CRIM1: variants seen among roughly 807,000 people sequenced by gnomAD.
CRIM1 encodes cysteine rich transmembrane BMP regulator 1, also known as cysteine-rich motor neuron 1 protein.
In CRIM1, 32 loss-of-function variants were observed where a neutral mutation model predicts 116.4. That is an observed-to-expected ratio of 0.27 (90% CI 0.21 to 0.37). The LOEUF (loss-of-function observed/expected upper bound fraction) is 0.37. CRIM1 is among the 10% of genes least tolerant of loss of function. The probability of loss-of-function intolerance (pLI) is 1.00; values close to 1 mark genes in which losing one functional copy is unlikely to be tolerated. For synonymous variants in CRIM1, 590 were observed against 509.2 expected (o/e 1.16, Z -2.13); for missense variants, 1,331 against 1,354.8 (o/e 0.98, Z 0.28).
intron 1 of CRIM1, among the ~76,000 whole-genome samples, chr2:36,379,731 T>C (rs1197218008): frequency 3.4e-5 from 5 of 147,948 alleles, no homozygotes; most frequent in Non-Finnish European, 7.4e-5. Flanking sequence ...ATTCTATTTC[T>C]TTCTTTCTCT....
At chr2:36,502,869 T>A (rs1681098480) in intron 8 of CRIM1, among the ~76,000 whole-genome samples, 1 of 152,324 alleles carries the variant, frequency 6.6e-6, no homozygotes, top group African/African-American at 2.4e-5. Flanking sequence ...TTGGATATCA[T>A]TCTTGCCTGA....
chr2:36,413,859 C>G (rs762423447), intron 2 of CRIM1, among the ~76,000 whole-genome samples: 14 of 152,154 alleles, frequency 9.2e-5, no homozygotes, highest in Non-Finnish European at 1.6e-4. Context: ...TATTTCAGCC[C>G]TATTCATATG....
At chr2:36,490,983 C>A (rs182697700) in intron 7 of CRIM1, among the ~76,000 whole-genome samples, 2 of 152,144 alleles carry the variant, frequency 1.3e-5, no homozygotes, top group Non-Finnish European at 2.9e-5. Context: ...CTAATTAAGC[C>A]GGTTGTCAAT....
chr2:36,461,212 AGAACTG>A (rs1433572013), intron 4 of CRIM1, among the ~76,000 whole-genome samples: 1 of 152,146 alleles, frequency 6.6e-6, no homozygotes, highest in Non-Finnish European at 1.5e-5. Flanking sequence ...AGATTGGACT[AGAACTG>A]GAAATTGGGG....
At chr2:36,515,758 T>C (rs999175099) in intron 11 of CRIM1, among the ~76,000 whole-genome samples, 9 of 152,254 alleles carry the variant, frequency 5.9e-5, no homozygotes, top group African/African-American at 2.2e-4. Flanking sequence ...AAAGCATACC[T>C]GCAAACACGC....
rs892953539 is a variant in CRIM1, at chr2:36,378,127, C to T, written c.332-18487C>T. On this transcript the variant is annotated intron_variant, in intron 1 of 16. Transcript: ENST00000280527. The stretch of plus-strand genomic sequence containing the variant: ...TACTCTGCATTGTAACGTATGTTTG[C>T]TTTTAAGGCGATAGATGGGTAGATA... 3.8e-4 allele frequency among the ~76,000 whole-genome samples: 58 copies of T among 152,192 alleles called. 1 individual carries two copies. The highest frequency in any genetic ancestry group is 5.7e-4 in the Non-Finnish European group (39 of 68,024).
intron 7 of CRIM1, among the ~76,000 whole-genome samples, chr2:36,489,829 AC>A (rs1680095599): frequency 2.0e-5 from 3 of 152,200 alleles, no homozygotes; most frequent in Non-Finnish European, 4.4e-5. Flanking sequence ...GGCCAGGCAC[AC>A]AGAGTCATTG....
intron 2 of CRIM1, among the ~76,000 whole-genome samples, chr2:36,436,127 C>T (rs1305668956): frequency 6.6e-6 from 1 of 151,334 alleles, no homozygotes; most frequent in African/African-American, 2.4e-5. Context: ...TTATTTTCTC[C>T]ATGGAAAAAA....
chr2:36,380,261 T>C (rs949741492), intron 1 of CRIM1, among the ~76,000 whole-genome samples: 1 of 152,180 alleles, frequency 6.6e-6, no homozygotes, highest in African/African-American at 2.4e-5. Flanking sequence ...CAGTTTGAGC[T>C]CAAGCTCCTT....
At chr2:36,358,872 A>T (rs1266232745) in intron 1 of CRIM1, among the ~76,000 whole-genome samples, 1 of 152,234 alleles carries the variant, frequency 6.6e-6, no homozygotes, top group Non-Finnish European at 1.5e-5. Flanking sequence ...GGATTTAGAC[A>T]GATATTTTCA....
intron 7 of CRIM1, among the ~76,000 whole-genome samples, chr2:36,487,799 T>TA (rs1162283323): frequency 1.3e-5 from 2 of 152,016 alleles, no homozygotes; most frequent in East Asian, 1.9e-4. Context: ...GGTGTGTTTA[T>TA]AAAAAAAATC....
chr2:36,375,863 A>T (rs370019540), intron 1 of CRIM1, among the ~76,000 whole-genome samples: 1 of 152,256 alleles, frequency 6.6e-6, no homozygotes, highest in Admixed American at 6.5e-5. Context: ...GTAGAGTTTT[A>T]GTTGGATCAT....
chr2:36,518,165 A>C (rs988928379), intron 12 of CRIM1, among the ~76,000 whole-genome samples: 3 of 152,222 alleles, frequency 2.0e-5, no homozygotes, highest in Non-Finnish European at 4.4e-5. Flanking sequence ...ACTTGTTAGA[A>C]GGAAATTTGT....
chr2:36,365,698 T>A (rs967344379), intron 1 of CRIM1, among the ~76,000 whole-genome samples: 2 of 151,862 alleles, frequency 1.3e-5, no homozygotes, highest in South Asian at 2.1e-4. Context: ...GTGGGTATGG[T>A]CCCATTTTAG....
intron 1 of CRIM1, among the ~76,000 whole-genome samples, chr2:36,396,317 T>C (rs1672025003): frequency 6.6e-6 from 1 of 152,264 alleles, no homozygotes; most frequent in Non-Finnish European, 1.5e-5. Flanking sequence ...TAAACATTTT[T>C]AAAGGCATCT....
At chr2:36,378,271 A>G (rs981044794) in intron 1 of CRIM1, 3 of 470,226 alleles carry the variant, frequency 6.4e-6, no homozygotes, top group African/African-American at 4.0e-5. Context: ...TTTTCTTCAC[A>G]TTACATCACA....
intron 5 of CRIM1, 132 bp from the exon 6 acceptor site, chr2:36,476,757 C>T (rs1374120458): frequency 2.9e-6 from 2 of 691,318 alleles, no homozygotes; most frequent in Admixed American, 2.6e-5. Context: ...CATGAACTTA[C>T]ATTGAGTTGA....
At chr2:36,425,426 G>A (rs1311055182) in intron 2 of CRIM1, among the ~76,000 whole-genome samples, 2 of 152,140 alleles carry the variant, frequency 1.3e-5, no homozygotes, top group African/African-American at 4.8e-5. Context: ...ACTCATTACT[G>A]AAAACTCACT....
chr2:36,433,632 C>A (rs1675070916), intron 2 of CRIM1, among the ~76,000 whole-genome samples: 1 of 152,154 alleles, frequency 6.6e-6, no homozygotes. Context: ...GCTCCTCCCC[C>A]AGAATTTCTG....
Sources: allele counts gnomAD v4.1 joint callset (sites outside exome capture counted in the v4.1 genomes callset), GRCh38; gene constraint gnomAD v4.1.1; transcripts MANE v1.5; gene names NCBI Gene and HGNC (gene_info 2026-07-23, HGNC 2026-07-21).